The following MAD1L1 variants were observed in gnomAD, a reference collection of about 807,000 sequenced individuals.
The protein encoded by MAD1L1 is mitotic spindle assembly checkpoint protein MAD1.
In MAD1L1, 95 loss-of-function variants were observed where a neutral mutation model predicts 96.9. That is an observed-to-expected ratio of 0.98 (90% CI 0.83 to 1.16). MAD1L1 has a LOEUF of 1.16. MAD1L1 is among the 50% of genes most tolerant of loss of function. The pLI is 0.00. For missense variants in MAD1L1, 1,007 were observed against 954.4 expected (o/e 1.06, Z -0.73); for synonymous variants, 473 against 396.6 (o/e 1.19, Z -2.29).
chr7:2,095,558 C>T (rs958125694), intron 11 of MAD1L1, among the ~76,000 whole-genome samples: 7 of 152,132 alleles, frequency 4.6e-5, no homozygotes, highest in African/African-American at 1.7e-4. Context: ...GGCAGCGTAA[C>T]CAGAGGGGAG....
intron 11 of MAD1L1, among the ~76,000 whole-genome samples, chr7:2,077,224 C>T (rs1055617947): frequency 6.6e-6 from 1 of 152,222 alleles, no homozygotes; most frequent in Non-Finnish European, 1.5e-5. Context: ...TGACGTCTGG[C>T]ATGAAACTAG....
chr7:2,025,549 G>C (rs566507922), intron 12 of MAD1L1, among the ~76,000 whole-genome samples: 4 of 152,282 alleles, frequency 2.6e-5, no homozygotes, highest in African/African-American at 9.6e-5. Flanking sequence ...AGGAAACAAG[G>C]GGTATTTTGC....
chr7:2,227,031 C>T (rs920909864), intron 3 of MAD1L1, among the ~76,000 whole-genome samples: 15 of 149,756 alleles, frequency 1.0e-4, no homozygotes, highest in African/African-American at 3.7e-4. Context: ...TGGTGGCTCA[C>T]GTCTGTAATC....
intron 18 of MAD1L1, among the ~76,000 whole-genome samples, chr7:1,827,486 C>T (rs868436802): frequency 5.0e-5 from 7 of 140,214 alleles, no homozygotes; most frequent in African/African-American, 1.7e-4. Flanking sequence ...GGGGCCTCCC[C>T]TCCTGAGCCC....
At position 2,175,699 on chromosome 7, in the gene MAD1L1, T is replaced by C. The variant is rs1350848949; in HGVS notation, c.987-26461A>G. 2.6e-5 allele frequency among the ~76,000 whole-genome samples: 4 copies of C among 152,244 alleles called. No individual in the cohort carries two copies. In the East Asian group the frequency reaches 7.7e-4, roughly 29 times the overall value. Reference sequence around the variant, plus strand: ...TGAATGACTGCCAAAGTAGGAGCCATGTGCAGCCCAACAGAGCTCAGGCAT... The same window carrying C: ...TGAATGACTGCCAAAGTAGGAGCCACGTGCAGCCCAACAGAGCTCAGGCAT... On this transcript the variant is annotated intron_variant, in intron 10 of 18. Transcript: ENST00000265854.
chr7:2,219,293 G>A (rs559785561), intron 6 of MAD1L1, 39 bp downstream of exon 6: 7 of 1,528,162 alleles, frequency 4.6e-6, no homozygotes, highest in South Asian at 2.4e-5. Context: ...GCCCCCACAC[G>A]TGACCCGACC....
chr7:2,004,589 G>A (rs960235791), intron 13 of MAD1L1, among the ~76,000 whole-genome samples: 4 of 152,234 alleles, frequency 2.6e-5, no homozygotes, highest in African/African-American at 9.6e-5. Flanking sequence ...CAGAATCACT[G>A]CAGGGTGGAG....
intron 11 of MAD1L1, among the ~76,000 whole-genome samples, chr7:2,134,954 CAT>C (rs1402992652): frequency 6.6e-6 from 1 of 152,240 alleles, no homozygotes. Context: ...TTCTAGGATA[CAT>C]GAGTCACCGT....
intron 18 of MAD1L1, among the ~76,000 whole-genome samples, chr7:1,864,274 G>A (rs1006067420): frequency 3.3e-5 from 5 of 152,176 alleles, no homozygotes; most frequent in Non-Finnish European, 7.3e-5. Context: ...GAGGGGAGGC[G>A]GCTGCAGGGC....
chr7:1,882,418 G>A lies in MAD1L1; in HGVS notation c.1998+15782C>T, dbSNP rs150980300. ...TCTGTGTAGACCTCATTGCTCCAGC[G>A]GGAGATGGGAAGGCTTCAGAAGAGA... On this transcript the variant is annotated intron_variant, in intron 18 of 18. Transcript: ENST00000265854. 1.2e-4 allele frequency among the ~76,000 whole-genome samples: 18 copies of A among 152,118 alleles called. No homozygotes were observed. The East Asian group carries it at 2.7e-3, about 23-fold the overall frequency.
At chr7:2,161,107 C>CT (rs1349488612) in intron 10 of MAD1L1, among the ~76,000 whole-genome samples, 3 of 4,694 alleles carry the variant, frequency 6.4e-4, no homozygotes, top group Non-Finnish European at 1.0e-3. Context: ...AATGGAGCCC[C>CT]TGCCCCTCCC....
At chr7:2,107,741 GCT>G (rs1413975294) in intron 11 of MAD1L1, 6 of 152,392 alleles carry the variant, frequency 3.9e-5, no homozygotes, top group African/African-American at 1.2e-4. Context: ...CCTTCACAGT[GCT>G]TTCAATAATT....
chr7:2,200,053 C>G (rs1449652640), intron 10 of MAD1L1, among the ~76,000 whole-genome samples: 1 of 152,262 alleles, frequency 6.6e-6, no homozygotes, highest in Non-Finnish European at 1.5e-5. Flanking sequence ...AGCCAAGGGT[C>G]TCAGAGCTCT....
chr7:1,910,183 T>C (rs1234422766), intron 17 of MAD1L1, among the ~76,000 whole-genome samples: 1 of 148,064 alleles, frequency 6.8e-6, no homozygotes, highest in Non-Finnish European at 1.5e-5. Context: ...GACAGCCCCC[T>C]CCCCCGGCAC....
chr7:1,824,157 A>G (rs1370137633), intron 18 of MAD1L1, among the ~76,000 whole-genome samples: 1 of 152,068 alleles, frequency 6.6e-6, no homozygotes, highest in African/African-American at 2.4e-5. Context: ...CACACCCTCA[A>G]CAGACCTTCC....
chr7:2,074,522 C>G (rs756591502), intron 11 of MAD1L1, among the ~76,000 whole-genome samples: 1 of 152,238 alleles, frequency 6.6e-6, no homozygotes, highest in Non-Finnish European at 1.5e-5. Flanking sequence ...AACAGGGCAG[C>G]AGCCCATGGA....
chr7:1,967,185 G>C (rs1780203942), intron 15 of MAD1L1, among the ~76,000 whole-genome samples: 1 of 152,180 alleles, frequency 6.6e-6, no homozygotes, highest in Non-Finnish European at 1.5e-5. Context: ...AGTGGGATGA[G>C]GCTGATTCTC....
chr7:2,220,521 T>C (rs1793544187), intron 5 of MAD1L1, among the ~76,000 whole-genome samples: 1 of 152,218 alleles, frequency 6.6e-6, no homozygotes, highest in Non-Finnish European at 1.5e-5. Flanking sequence ...ACGGGCGTGA[T>C]GTCAGCCCTG....
chr7:2,198,499 C>T (rs1455738762), intron 10 of MAD1L1, among the ~76,000 whole-genome samples: 1 of 152,240 alleles, frequency 6.6e-6, no homozygotes, highest in African/African-American at 2.4e-5. Context: ...ACACCAGGAG[C>T]GCTGGCATCG....
Sources: allele counts gnomAD v4.1 joint callset (sites outside exome capture counted in the v4.1 genomes callset), GRCh38; gene constraint gnomAD v4.1.1; transcripts MANE v1.5; gene names NCBI Gene and HGNC (gene_info 2026-07-23, HGNC 2026-07-21).